FTCDNL1: variants seen among roughly 807,000 people sequenced by gnomAD.
The protein encoded by FTCDNL1 is formiminotransferase cyclodeaminase N-terminal like.
FTCDNL1 carries 11 observed loss-of-function variants against 5.9 expected under a neutral mutation model. The ratio of observed to expected loss-of-function variants is 1.87; its 90% CI spans 1.18 to 3.10. FTCDNL1 has a LOEUF of 3.10. Ranked by LOEUF, FTCDNL1 falls within the 30% of genes most tolerant of loss-of-function variation. The pLI is 0.00. For missense variants in FTCDNL1, 115 were observed against 65.5 expected (o/e 1.76, Z -2.61); for synonymous variants, 58 against 24.8 (o/e 2.34, Z -3.99).
the FTCDNL1 span, among the ~76,000 whole-genome samples, chr2:199,698,308 T>A: frequency 6.6e-6 from 1 of 152,098 alleles, no homozygotes; most frequent in African/African-American, 2.4e-5. Context: ...ACAGAACACT[T>A]CACCCAACAA....
chr2:199,799,302 T>C (rs1700325564), intron 3 of FTCDNL1, among the ~76,000 whole-genome samples: 1 of 152,082 alleles, frequency 6.6e-6, no homozygotes, highest in South Asian at 2.1e-4. Flanking sequence ...AATAGCCCAA[T>C]GGTAAGAAAA....
downstream of FTCDNL1, among the ~76,000 whole-genome samples, chr2:199,804,798 G>A (rs4564759): frequency 7.6e-4 from 115 of 152,226 alleles, no homozygotes; most frequent in South Asian, 0.014. Flanking sequence ...AAGCCAGTCT[G>A]AACCCAATCA....
At chr2:199,779,511 C>A (rs991894946) in intron 3 of FTCDNL1, among the ~76,000 whole-genome samples, 1 of 152,158 alleles carries the variant, frequency 6.6e-6, no homozygotes, top group African/African-American at 2.4e-5. Flanking sequence ...GCAGCTCCCC[C>A]TCCACCTTCC....
intron 3 of FTCDNL1, among the ~76,000 whole-genome samples, chr2:199,762,295 C>G (rs1191276692): frequency 6.6e-6 from 1 of 152,158 alleles, no homozygotes; most frequent in African/African-American, 2.4e-5. Flanking sequence ...AGGAGAATCA[C>G]TTGAACCTGG....
the FTCDNL1 span, among the ~76,000 whole-genome samples, chr2:199,719,475 G>A: frequency 1.3e-5 from 2 of 152,042 alleles, no homozygotes; most frequent in African/African-American, 4.8e-5. Context: ...CTTAAACTTT[G>A]TTCTTTTTGC....
At chr2:199,750,240 C>G in the FTCDNL1 span, among the ~76,000 whole-genome samples, 1 of 151,558 alleles carries the variant, frequency 6.6e-6, no homozygotes, top group East Asian at 1.9e-4. Flanking sequence ...GCCTTGTAGT[C>G]CCAGCTACTC....
At chr2:199,686,299 G>A in the FTCDNL1 span, among the ~76,000 whole-genome samples, 2 of 152,138 alleles carry the variant, frequency 1.3e-5, no homozygotes, top group Non-Finnish European at 2.9e-5. Flanking sequence ...TTGGGCTTTG[G>A]AACTTAGTGA....
the FTCDNL1 span, among the ~76,000 whole-genome samples, chr2:199,684,552 A>G: frequency 6.6e-6 from 1 of 152,228 alleles, no homozygotes; most frequent in Admixed American, 6.5e-5. Context: ...GGGATAAGAC[A>G]TACAACTGTA....
intron 3 of FTCDNL1, among the ~76,000 whole-genome samples, chr2:199,833,351 G>A (rs1461673351): frequency 3.4e-5 from 4 of 118,462 alleles, no homozygotes; most frequent in African/African-American, 1.3e-4. Context: ...GTTAGTTCAT[G>A]CTGATCAGAG....
At chr2:199,687,421 G>A in the FTCDNL1 span, among the ~76,000 whole-genome samples, 1 of 152,166 alleles carries the variant, frequency 6.6e-6, no homozygotes, top group Non-Finnish European at 1.5e-5. Flanking sequence ...ACTTACCATG[G>A]AACATATTGA....
the FTCDNL1 span, among the ~76,000 whole-genome samples, chr2:199,712,871 T>C: frequency 6.6e-6 from 1 of 152,318 alleles, no homozygotes; most frequent in African/African-American, 2.4e-5. Context: ...GAGCTCACCC[T>C]ACTGCAGTAT....
the FTCDNL1 span, among the ~76,000 whole-genome samples, chr2:199,689,375 C>T: frequency 3.3e-4 from 50 of 152,236 alleles, no homozygotes; most frequent in African/African-American, 1.0e-3. Flanking sequence ...TCCATAATGA[C>T]GGCCTTGAAA....
chr2:199,740,935 G>A, the FTCDNL1 span, among the ~76,000 whole-genome samples: 5 of 152,118 alleles, frequency 3.3e-5, no homozygotes, highest in Non-Finnish European at 5.9e-5. Flanking sequence ...GTTATAGAGG[G>A]TCCACTGTGT....
In FTCDNL1 at chr2:199,845,335, G is replaced by A. The variant is rs753000523; in HGVS notation, c.211+740C>T. 6.9e-4 allele frequency among the ~76,000 whole-genome samples: 105 copies of A among 152,104 alleles called. 1 individual carries two copies. The highest frequency in any genetic ancestry group is 1.3e-3 in the Non-Finnish European group (89 of 68,026). On this transcript the variant is annotated intron_variant, in intron 3 of 4. Transcript: ENST00000420128. ...TAATCCCAGCACTTTGGGAGGCTGA[G>A]GCAGGCAAATCACTTGAGGTCAGGA...
At chr2:199,727,023 G>C in the FTCDNL1 span, among the ~76,000 whole-genome samples, 3 of 152,184 alleles carry the variant, frequency 2.0e-5, no homozygotes, top group African/African-American at 7.2e-5. Context: ...TAAGTCTTCT[G>C]AACCAGAAAC....
chr2:199,783,205 C>A (rs1423581711), intron 3 of FTCDNL1, among the ~76,000 whole-genome samples: 1 of 152,172 alleles, frequency 6.6e-6, no homozygotes, highest in Non-Finnish European at 1.5e-5. Flanking sequence ...TGGCCTGTTA[C>A]CAGTACTTTT....
the FTCDNL1 span, among the ~76,000 whole-genome samples, chr2:199,688,164 G>A: frequency 1.4e-5 from 2 of 144,860 alleles, no homozygotes; most frequent in Non-Finnish European, 3.0e-5. Flanking sequence ...CCTTGGATCA[G>A]AGTTTGCAGT....
the FTCDNL1 span, among the ~76,000 whole-genome samples, chr2:199,748,878 TGAG>T: frequency 1.3e-5 from 2 of 152,182 alleles, no homozygotes; most frequent in Non-Finnish European, 2.9e-5. Context: ...TGGTTCATTC[TGAG>T]GAGTTCCTCT....
At chr2:199,673,072 A>T in the FTCDNL1 span, among the ~76,000 whole-genome samples, 1 of 152,168 alleles carries the variant, frequency 6.6e-6, no homozygotes, top group East Asian at 1.9e-4. Flanking sequence ...TCACACCTGT[A>T]ATCCCAGCCC....
Sources: gnomAD v4.1 joint callset for allele counts (sites outside exome capture counted in the v4.1 genomes callset) on GRCh38, gnomAD v4.1.1 for gene constraint, MANE v1.5 for transcripts, NCBI Gene and HGNC (gene_info 2026-07-23, HGNC 2026-07-21) for gene names.